TIAM1: variants seen among roughly 807,000 people sequenced by gnomAD.
TIAM1 encodes the protein rho guanine nucleotide exchange factor TIAM1.
In TIAM1, 65 loss-of-function variants were observed where a neutral mutation model predicts 163.5. The observed-to-expected ratio is 0.40, with a 90% CI of 0.33 to 0.49. The LOEUF is 0.49. Among genes scored for constraint, TIAM1 ranks in the 20% least tolerant of loss-of-function variants. TIAM1 has a pLI of 0.77. For missense variants in TIAM1, 1,789 were observed against 2,044.7 expected (o/e 0.87, Z 2.41); for synonymous variants, 833 against 810.1 (o/e 1.03, Z -0.48).
chr21:31,374,446 T>G (rs1021937706), intron 2 of TIAM1, among the ~76,000 whole-genome samples: 1 of 152,174 alleles, frequency 6.6e-6, no homozygotes, highest in East Asian at 1.9e-4. Context: ...TCCCTCCAAA[T>G]GCCCATTGGA....
chr21:31,223,768 A>T (rs1211916648), intron 7 of TIAM1, among the ~76,000 whole-genome samples, 177 bp from the exon 8 acceptor site: 1 of 152,214 alleles, frequency 6.6e-6, no homozygotes, highest in Non-Finnish European at 1.5e-5. Flanking sequence ...CTATAGCCAT[A>T]AATTCAGCAT....
intron 23 of TIAM1, among the ~76,000 whole-genome samples, chr21:31,134,491 C>T (rs567037551): frequency 6.6e-6 from 1 of 152,028 alleles, no homozygotes; most frequent in Admixed American, 6.6e-5. Flanking sequence ...TAGTCACATG[C>T]TTTCTCTGCA....
intron 2 of TIAM1, among the ~76,000 whole-genome samples, chr21:31,279,607 T>C (rs2073454749): frequency 6.6e-6 from 1 of 152,220 alleles, no homozygotes; most frequent in African/African-American, 2.4e-5. Context: ...CTAAATGTCC[T>C]ATCCCTCTAA....
intron 4 of TIAM1, among the ~76,000 whole-genome samples, chr21:31,252,795 T>C (rs1262995164): frequency 6.6e-6 from 1 of 152,224 alleles, no homozygotes; most frequent in Non-Finnish European, 1.5e-5. Context: ...ATCCTCATCC[T>C]CTAATCAGAT....
intron 2 of TIAM1, among the ~76,000 whole-genome samples, chr21:31,359,804 AAAAGGAAGGAAGGAAG>A (rs1274688358): frequency 9.0e-6 from 1 of 111,188 alleles, no homozygotes; most frequent in African/African-American, 3.3e-5. Flanking sequence ...AAAAGAAAGA[AAAAGGAAGGAAGGAAG>A]GAAGGAAGGA....
At chr21:31,143,452 TTA>T (rs61145317) in intron 20 of TIAM1, among the ~76,000 whole-genome samples, 10 of 149,296 alleles carry the variant, frequency 6.7e-5, no homozygotes, top group East Asian at 4.0e-4. Flanking sequence ...TATATAATTT[TTA>T]TATATATATA....
Position 31,540,719 on chromosome 21 carries a change from T to A in TIAM1, c.-422+18208A>T, listed in dbSNP as rs545719573. On this transcript the variant is annotated intron_variant, in intron 1 of 28. Coordinates refer to the TIAM1 transcript ENST00000286827. ...AATCCAAAGACAGTTGTTCATAGTT[T>A]TCTTTTGTTTGTTTTTTTTGCTCTG... Among the ~76,000 whole-genome samples, 35 of 152,370 alleles carry A rather than the reference T, an allele frequency of 2.3e-4. 1 individual carries two copies. Among genetic ancestry groups the A allele is most frequent in the Middle Eastern group, 6.8e-3 (2 of 294 alleles).
At chr21:31,534,068 C>T (rs2048050935) in intron 1 of TIAM1, among the ~76,000 whole-genome samples, 1 of 152,220 alleles carries the variant, frequency 6.6e-6, no homozygotes, top group African/African-American at 2.4e-5. Flanking sequence ...TCCAGAGAAT[C>T]TCTCTAGGGC....
chr21:31,498,346 G>A (rs2046734308), intron 1 of TIAM1, among the ~76,000 whole-genome samples: 1 of 152,214 alleles, frequency 6.6e-6, no homozygotes, highest in Admixed American at 6.5e-5. Context: ...CAACCATAGA[G>A]AGGTAAGAAG....
At chr21:31,464,155 G>A (rs1279275934) in intron 1 of TIAM1, 7 of 152,166 alleles carry the variant, frequency 4.6e-5, no homozygotes, top group Admixed American at 2.0e-4. Flanking sequence ...AACTCTACCA[G>A]AGGAGGCAAC....
chr21:31,331,997 G>C (rs1251516950), intron 2 of TIAM1, among the ~76,000 whole-genome samples: 1 of 152,284 alleles, frequency 6.6e-6, no homozygotes, highest in South Asian at 2.1e-4. Flanking sequence ...GAAAAAGCAC[G>C]TACATGCTCC....
chr21:31,231,751 C>A (rs1390347948), intron 6 of TIAM1, among the ~76,000 whole-genome samples: 6 of 152,142 alleles, frequency 3.9e-5, no homozygotes, highest in Non-Finnish European at 5.9e-5. Flanking sequence ...CGGAATGGTT[C>A]ATGCCTGTAG....
At chr21:31,211,412 A>G (rs2086881997) in intron 10 of TIAM1, among the ~76,000 whole-genome samples, 1 of 152,236 alleles carries the variant, frequency 6.6e-6, no homozygotes, top group African/African-American at 2.4e-5. Context: ...GCTAAGTAAT[A>G]GGCCTTCATT....
chr21:31,314,592 A>G (rs1435333666), intron 2 of TIAM1, among the ~76,000 whole-genome samples: 1 of 152,144 alleles, frequency 6.6e-6, no homozygotes, highest in Non-Finnish European at 1.5e-5. Context: ...AGCTTGGTTT[A>G]CTTTTTATCC....
chr21:31,358,143 G>C (rs528176258), intron 2 of TIAM1, among the ~76,000 whole-genome samples: 1 of 152,302 alleles, frequency 6.6e-6, no homozygotes, highest in African/African-American at 2.4e-5. Flanking sequence ...AGGGCAGAGG[G>C]CGGCATCCCA....
At chr21:31,252,562 G>A (rs570810732) in intron 4 of TIAM1, among the ~76,000 whole-genome samples, 1 of 152,326 alleles carries the variant, frequency 6.6e-6, no homozygotes, top group East Asian at 1.9e-4. Flanking sequence ...AGCCTCATCA[G>A]CTTATCCTGA....
intron 2 of TIAM1, among the ~76,000 whole-genome samples, chr21:31,293,031 C>T (rs1179770295): frequency 1.3e-5 from 2 of 152,156 alleles, no homozygotes; most frequent in Admixed American, 1.3e-4. Context: ...GCCATGTTGG[C>T]CAGGATGGTC....
At chr21:31,511,601 T>C (rs1331183677) in intron 1 of TIAM1, among the ~76,000 whole-genome samples, 1 of 152,186 alleles carries the variant, frequency 6.6e-6, no homozygotes, top group African/African-American at 2.4e-5. Context: ...GTCCAAGCTA[T>C]GCATGGGTTT....
At chr21:31,291,317 AAAC>A (rs1024025327) in intron 2 of TIAM1, among the ~76,000 whole-genome samples, 7 of 152,142 alleles carry the variant, frequency 4.6e-5, no homozygotes, top group East Asian at 1.9e-4. Context: ...TCATAGATAG[AAAC>A]AACAACAACA....
Sources: gnomAD v4.1 joint callset for allele counts (sites outside exome capture counted in the v4.1 genomes callset) on GRCh38, gnomAD v4.1.1 for gene constraint, MANE v1.5 for transcripts, NCBI Gene and HGNC (gene_info 2026-07-23, HGNC 2026-07-21) for gene names.